TRPM8: variants seen among roughly 807,000 people sequenced by gnomAD.
The protein encoded by TRPM8 is transient receptor potential cation channel subfamily M member 8.
TRPM8 carries 110 observed loss-of-function variants against 133.7 expected under a neutral mutation model. The observed-to-expected ratio is 0.82, with a 90% CI of 0.70 to 0.96. TRPM8 has a LOEUF of 0.96. TRPM8 is among the 40% of genes least tolerant of loss of function. The probability of loss-of-function intolerance (pLI) is 0.00; values close to 1 mark genes in which losing one functional copy is unlikely to be tolerated. For missense variants in TRPM8, 1,291 were observed against 1,379.5 expected, an observed-to-expected ratio of 0.94 and a Z score of 1.02; for synonymous variants, 535 against 532.3, an observed-to-expected ratio of 1.01 and a Z score of -0.07.
In TRPM8 at chr2:233,989,943, C is replaced by T. The variant is rs1268026888; in HGVS notation, c.2939+4078C>T. Reference sequence around the variant, plus strand: ...ACCCCAGGCAGTTCTGAAAAGGACTCGTCAAACATGTCCTGCTGTAGAATA... The same window carrying T: ...ACCCCAGGCAGTTCTGAAAAGGACTTGTCAAACATGTCCTGCTGTAGAATA... On this transcript the variant is annotated intron_variant, in intron 21 of 25. Coordinates refer to ENST00000324695, the MANE Select transcript of TRPM8 (RefSeq NM_024080.5). This position sits in a 1 kb window ranked among gnomAD's most constrained non-coding sequence, Gnocchi z 4.2. 2.6e-5 allele frequency among the ~76,000 whole-genome samples: 4 copies of T among 152,086 alleles called. No individual in the cohort carries two copies. The highest frequency in any genetic ancestry group is 9.7e-5 in the African/African-American group (4 of 41,398).
intron 10 of TRPM8, chr2:233,954,926 T>A (rs4663991): frequency 0.11 from 56,513 of 495,400 alleles, 3,734 homozygotes; most frequent in Admixed American, 0.2. Flanking sequence ...GTAGCCTGAG[T>A]TGATCCCCAT....
intron 17 of TRPM8, among the ~76,000 whole-genome samples, chr2:233,976,302 A>G (rs1406504977): frequency 6.6e-6 from 1 of 152,188 alleles, no homozygotes; most frequent in Non-Finnish European, 1.5e-5. Flanking sequence ...TGTAAATCAC[A>G]GACAACTCTG....
At chr2:233,930,645 TA>T in intron 2 of TRPM8, 22 bp from the exon 3 acceptor site, 1 of 1,522,684 alleles carries the variant, frequency 6.6e-7, no homozygotes, top group Non-Finnish European at 9.1e-7. Context: ...AGTAATGTGT[TA>T]TTCAATGTTC....
rs555912677 is a variant in TRPM8, at chr2:233,999,174, C to T, written c.3130+2658C>T. 3.9e-5 allele frequency among the ~76,000 whole-genome samples: 6 copies of T among 152,206 alleles called. No individual in the cohort carries two copies. The East Asian group carries it at 1.2e-3, about 29-fold the overall frequency. ...CAGGGCAGGGCAGGGCAGGGCAGAG[C>T]TGGGCTGGGCTGGCTGCCTCTGTTC... On this transcript the variant is annotated intron_variant, in intron 22 of 25. Transcript: ENST00000324695.
chr2:233,937,546 A>G, intron 4 of TRPM8, 37 bp downstream of exon 4: 3 of 1,593,310 alleles, frequency 1.9e-6, no homozygotes, highest in Non-Finnish European at 2.6e-6. Context: ...GCTAATTCAT[A>G]GGCCAAAGTG....
At position 233,985,694 on chromosome 2, in the gene TRPM8, C is replaced by A. The variant is rs200355253; in HGVS notation, c.2768C>A (p.Thr923Lys). The A allele has an allele frequency of 6.2e-7, 1 of 1,613,896 alleles. No homozygotes were observed. Among genetic ancestry groups the A allele is most frequent in the Non-Finnish European group, 8.5e-7 (1 of 1,179,898 alleles). The part of the protein sequence containing the change: ...GQVPSDVDGT[T>K]YDFAHCTFTG... ...TTGGTTTCTACATCCTCAGGTACCA[C>A]GTATGACTTTGCCCACTGCACCTTC... The change falls in exon 21 of 26, where the codon ACG (threonine) becomes AAG (lysine). Residue 923 changes from threonine to lysine, a missense_variant. Thr to Lys is a moderately conservative substitution (Grantham distance 78). Around this residue, in one of 2 missense-constraint regions of TRPM8, gnomAD observed 328 missense variants for 410.6 expected, o/e 0.80. Transcript: ENST00000324695.
In TRPM8 at chr2:233,930,759, C is replaced by T. The variant is rs4663987; in HGVS notation, c.191+18C>T. The T allele has an allele frequency of 0.13, 200,124 of 1,575,590 alleles. 18,383 individuals are homozygous for T. The highest frequency in any genetic ancestry group is 0.46 in the African/African-American group (33,913 of 73,748). On this transcript the variant is annotated intron_variant, in intron 3 of 25. Coordinates refer to ENST00000324695, the MANE Select transcript of TRPM8 (RefSeq NM_024080.5). ...AAGGCCACGTAAGCTACTATTTTCC[C>T]TCCAGTTTTGCTTTCCAAGTTCAAA...
chr2:233,936,891 CTTTTTTTTTTTTT>C (rs5839499), intron 3 of TRPM8, among the ~76,000 whole-genome samples: 12 of 101,312 alleles, frequency 1.2e-4, no homozygotes, highest in South Asian at 1.0e-3. Flanking sequence ...TCTTTCTTTC[CTTTTTTTTTTTTT>C]TTTTTTTTTT....
At chr2:233,946,992 G>T (rs1171169695) in intron 7 of TRPM8, 96 bp from the exon 8 acceptor site, 8 of 1,070,530 alleles carry the variant, frequency 7.5e-6, no homozygotes, top group Non-Finnish European at 7.1e-6. Flanking sequence ...CCACACCCTA[G>T]GCTCACAGGG....
intron 22 of TRPM8, among the ~76,000 whole-genome samples, chr2:234,001,226 A>G (rs906772783): frequency 6.6e-6 from 1 of 152,154 alleles, no homozygotes; most frequent in African/African-American, 2.4e-5. Context: ...AATCCTTCCT[A>G]GGTGATATGA....
At chr2:233,965,043 C>CTT (rs1278573034) in intron 14 of TRPM8, among the ~76,000 whole-genome samples, 4 of 85,002 alleles carry the variant, frequency 4.7e-5, no homozygotes, top group African/African-American at 1.4e-4. Context: ...CACTGGACTA[C>CTT]TTTTTTTTGT....
chr2:234,002,949 C>T (rs11563009), intron 22 of TRPM8, among the ~76,000 whole-genome samples: 24,130 of 152,052 alleles, frequency 0.16, 2,441 homozygotes, highest in East Asian at 0.32. Context: ...GCTGATTATG[C>T]CTGTGCCTTT....
chr2:233,980,122 A>C, intron 17 of TRPM8, 66 bp from the exon 18 acceptor site: 1 of 1,106,162 alleles, frequency 9.0e-7, no homozygotes, highest in Non-Finnish European at 1.3e-6. Context: ...GTGGACATTT[A>C]AAAATCTGGA....
At chr2:233,917,845 A>G (rs1691332595) in intron 1 of TRPM8, among the ~76,000 whole-genome samples, 1 of 152,192 alleles carries the variant, frequency 6.6e-6, no homozygotes, top group South Asian at 2.1e-4. Context: ...AATCAAGACT[A>G]TGGTGAAATG....
intron 3 of TRPM8, among the ~76,000 whole-genome samples, chr2:233,935,479 C>A (rs183135223): frequency 2.6e-5 from 4 of 151,400 alleles, no homozygotes; most frequent in Admixed American, 6.6e-5. Context: ...GTCTAGAACA[C>A]GGATAAGAGT....
rs151304365 is a variant in TRPM8 at position 233,980,278 on chromosome 2, C to T, written c.2446C>T (p.Arg816Trp). ...LFYFIAGIVFRLHSSNKSSLY... is the reference protein window; with the variant it reads ...LFYFIAGIVFWLHSSNKSSLY... Reference sequence around the variant, plus strand: ...TTACTTCATAGCAGGAATTGTATTTCGGTAAGTAGTCTCATCACTTTTCCT... The same window carrying T: ...TTACTTCATAGCAGGAATTGTATTTTGGTAAGTAGTCTCATCACTTTTCCT... The change falls in exon 18 of 26, where the codon CGG (arginine) becomes TGG (tryptophan). Residue 816 changes from arginine to tryptophan, a missense_variant and splice_region_variant. Physicochemically the swap from Arg to Trp is moderately radical, Grantham distance 101 (BLOSUM62 -3). Transcript: ENST00000324695. The T allele has an allele frequency of 2.3e-5, 36 of 1,585,552 alleles. No individual in the cohort carries two copies. The highest frequency in any genetic ancestry group is 1.8e-4 in the Middle Eastern group (1 of 5,534).
Position 233,963,307 on chromosome 2 carries a change from C to A in TRPM8, c.1679C>A (p.Pro560His). Residue 560 changes from proline to histidine, a missense_variant, in exon 13 of 26, where the codon CCC becomes CAC. This residue lies in a region of TRPM8 where 963 missense variants were observed against 968.9 expected (regional missense o/e 0.99). Transcript: ENST00000324695. ...GACGTGTCTCCTATTACTCGGCACC[C>A]CCTGCAAGCTCTCTTCATCTGGGCC... ...LHDVSPITRH[P>H]LQALFIWAIL... The A allele has an allele frequency of 6.2e-7, 1 of 1,613,294 alleles. No individual in the cohort carries two copies. Among genetic ancestry groups the A allele is most frequent in the Non-Finnish European group, 8.5e-7 (1 of 1,179,544 alleles).
chr2:233,944,363 C>A (rs1363387693), intron 6 of TRPM8, among the ~76,000 whole-genome samples: 4 of 152,010 alleles, frequency 2.6e-5, no homozygotes, highest in Non-Finnish European at 5.9e-5. Context: ...TATAATTATC[C>A]CCACGGTAGA....
chr2:233,944,390 A>T (rs971002883), intron 6 of TRPM8, among the ~76,000 whole-genome samples: 1 of 152,192 alleles, frequency 6.6e-6, no homozygotes, highest in Non-Finnish European at 1.5e-5. Context: ...GCATATGTTA[A>T]TTCACAGACT....
Sources: allele counts gnomAD v4.1 joint callset (sites outside exome capture counted in the v4.1 genomes callset), GRCh38; gene constraint gnomAD v4.1.1; regional missense constraint gnomAD v4.1.1; non-coding constraint Gnocchi (gnomAD v3.1); transcripts MANE v1.5; gene names NCBI Gene and HGNC (gene_info 2026-07-23, HGNC 2026-07-21).